Variants in ANKS1A observed in about 807,000 individuals in gnomAD.
ANKS1A encodes the protein ankyrin repeat and sterile alpha motif domain containing 1A.
Under a neutral mutation model 120.3 loss-of-function variants are expected in ANKS1A, and 55 were observed. The observed-to-expected ratio is 0.46, with a 90% CI of 0.37 to 0.57. The LOEUF is 0.57. Among genes scored for constraint, ANKS1A ranks in the 20% least tolerant of loss-of-function variants. The pLI is 0.00. For synonymous variants in ANKS1A, 590 were observed against 604.7 expected (o/e 0.98, Z 0.36); for missense variants, 1,123 against 1,480.3 (o/e 0.76, Z 3.96).
At chr6:34,924,365 C>T (rs952755090) in intron 1 of ANKS1A, among the ~76,000 whole-genome samples, 7 of 152,146 alleles carry the variant, frequency 4.6e-5, no homozygotes, top group Admixed American at 4.6e-4. Context: ...ACATTCTCTA[C>T]TCCAAAAGCC....
chr6:35,090,439 C>T lies in ANKS1A; in HGVS notation c.*1830C>T. 8.5e-7 allele frequency: 1 copy of T among 1,183,430 alleles called. No individual in the cohort carries two copies. The highest frequency in any genetic ancestry group is 1.1e-6 in the Non-Finnish European group (1 of 938,062). The allele number at this position is 1,183,430 out of a possible 1,614,324, so 73.3% of individuals were successfully genotyped here. ...GGTCCGAAAGAAACCGCAGACACTA[C>T]GATGCACTCCTCAAGCTGTCTTTTG... On this transcript the variant is annotated 3_prime_UTR_variant, in exon 24 of 24. Transcript: ENST00000360359.
In ANKS1A at chr6:35,089,328, T is replaced by G. The variant is rs1778172889; in HGVS notation, c.*719T>G. On this transcript the variant is annotated 3_prime_UTR_variant, in exon 24 of 24. Coordinates refer to ENST00000360359, the MANE Select transcript of ANKS1A (RefSeq NM_015245.3). ...GCCAAATGAAGATAAGTGTGCAGTT[T>G]CTAGTGCTGGGAAGTCTTAGCCAGC... The G allele has an allele frequency of 2.0e-6, 2 of 987,126 alleles. No homozygotes were observed. The highest frequency in any genetic ancestry group is 1.7e-5 in the African/African-American group (1 of 57,218). The allele number at this position is 987,126 out of a possible 1,614,324, so 61.1% of individuals were successfully genotyped here. A position where few individuals can be genotyped will look rare whatever the true frequency, so the allele number is the denominator to read the frequency against.
intron 1 of ANKS1A, among the ~76,000 whole-genome samples, chr6:34,902,912 T>C (rs1362149450): frequency 6.6e-6 from 1 of 152,192 alleles, no homozygotes; most frequent in East Asian, 1.9e-4. Flanking sequence ...ACATATGTTC[T>C]TTTGTAAAAT....
chr6:34,928,219 C>G (rs891096071), intron 1 of ANKS1A, among the ~76,000 whole-genome samples: 10 of 152,336 alleles, frequency 6.6e-5, no homozygotes, highest in Admixed American at 3.9e-4. Flanking sequence ...GCATGAACCA[C>G]AGACTTCTGC....
At chr6:34,970,865 C>T (rs1415954646) in intron 3 of ANKS1A, among the ~76,000 whole-genome samples, 2 of 151,862 alleles carry the variant, frequency 1.3e-5, no homozygotes, top group South Asian at 2.1e-4. Context: ...AAAAAAAGGC[C>T]GGATGTGGTG....
At chr6:34,987,595 T>C (rs1431136296) in intron 8 of ANKS1A, among the ~76,000 whole-genome samples, 2 of 152,210 alleles carry the variant, frequency 1.3e-5, no homozygotes, top group Non-Finnish European at 2.9e-5. Flanking sequence ...TTGTTTGGCT[T>C]GAACATACAG....
intron 1 of ANKS1A, among the ~76,000 whole-genome samples, chr6:34,927,904 T>C (rs1768795005): frequency 6.6e-6 from 1 of 152,140 alleles, no homozygotes; most frequent in Non-Finnish European, 1.5e-5. Flanking sequence ...GGAGCCCATT[T>C]TCCAAACTGA....
At chr6:35,070,165 C>A (rs1251949876) in intron 13 of ANKS1A, among the ~76,000 whole-genome samples, 1 of 152,052 alleles carries the variant, frequency 6.6e-6, no homozygotes, top group East Asian at 1.9e-4. Context: ...ACAGGGGCAT[C>A]AATAGTTGTC....
At chr6:34,947,715 C>T (rs1769873980) in intron 1 of ANKS1A, among the ~76,000 whole-genome samples, 1 of 152,126 alleles carries the variant, frequency 6.6e-6, no homozygotes, top group Non-Finnish European at 1.5e-5. Context: ...GCCTTTATGC[C>T]CTCAGGGTCA....
chr6:35,034,363 A>G (rs1045425131), intron 11 of ANKS1A, among the ~76,000 whole-genome samples: 1 of 152,224 alleles, frequency 6.6e-6, no homozygotes, highest in African/African-American at 2.4e-5. Flanking sequence ...GGGATCAGCT[A>G]TCCCACAGTC....
At chr6:34,910,896 A>AGAAT (rs953974531) in intron 1 of ANKS1A, among the ~76,000 whole-genome samples, 12 of 151,936 alleles carry the variant, frequency 7.9e-5, no homozygotes, top group East Asian at 3.8e-4. Context: ...AAAAGAAAAA[A>AGAAT]GAATGAATGA....
intron 11 of ANKS1A, among the ~76,000 whole-genome samples, chr6:35,022,023 G>C (rs1183039261): frequency 3.3e-5 from 5 of 151,936 alleles, no homozygotes; most frequent in Non-Finnish European, 7.4e-5. Context: ...TTTGCAGGAG[G>C]TTCTTTGTTG....
At chr6:34,956,455 A>G (rs989855238) in intron 1 of ANKS1A, among the ~76,000 whole-genome samples, 1 of 152,118 alleles carries the variant, frequency 6.6e-6, no homozygotes, top group South Asian at 2.1e-4. Context: ...GAGACACTAA[A>G]AAGCTGATTG....
At chr6:34,891,431 T>C (rs1766818304) in intron 1 of ANKS1A, among the ~76,000 whole-genome samples, 1 of 152,246 alleles carries the variant, frequency 6.6e-6, no homozygotes, top group Admixed American at 6.5e-5. Flanking sequence ...GAATTGGGTT[T>C]TGAATCTTAC....
chr6:35,029,608 C>T (rs1033680019), intron 11 of ANKS1A, among the ~76,000 whole-genome samples: 3 of 151,672 alleles, frequency 2.0e-5, no homozygotes, highest in Non-Finnish European at 4.4e-5. Flanking sequence ...CCTGGGCCTC[C>T]CAAATTGCTG....
At chr6:35,081,289 C>T (rs1777661819) in intron 17 of ANKS1A, 131 bp downstream of exon 17, 6 of 1,245,288 alleles carry the variant, frequency 4.8e-6, no homozygotes, top group Non-Finnish European at 6.5e-6. Flanking sequence ...GAGGCACTAG[C>T]CTGCTCTGCT....
At chr6:34,905,001 G>A (rs916452974) in intron 1 of ANKS1A, among the ~76,000 whole-genome samples, 1 of 152,154 alleles carries the variant, frequency 6.6e-6, no homozygotes, top group African/African-American at 2.4e-5. Context: ...AATAGACACA[G>A]GGTTTCGCCA....
rs1581761788 is a variant in ANKS1A, at chr6:35,084,958, G to A, written c.3132+700G>A. Among the ~76,000 whole-genome samples, 1 of 152,212 alleles carries A rather than the reference G, an allele frequency of 6.6e-6. No homozygotes were observed. The highest frequency in any genetic ancestry group is 1.5e-5 in the Non-Finnish European group (1 of 68,040). The stretch of plus-strand genomic sequence containing the variant: ...GGCTGCTTCCTCACCCCGGGAGGAA[G>A]TCAGAGGGGTCCAGGTCTCTGCCGC... On this transcript the variant is annotated intron_variant, in intron 21 of 23. Coordinates refer to ENST00000360359, the MANE Select transcript of ANKS1A (RefSeq NM_015245.3). The surrounding 1 kb of genome is among the most constrained non-coding windows in gnomAD (Gnocchi z 4.8).
At chr6:35,059,820 T>TG (rs1776397303) in intron 12 of ANKS1A, among the ~76,000 whole-genome samples, 2 of 152,232 alleles carry the variant, frequency 1.3e-5, no homozygotes, top group South Asian at 4.2e-4. Flanking sequence ...TGGAGACTGT[T>TG]GGGATTTGGC....
Sources: allele counts gnomAD v4.1 joint callset (sites outside exome capture counted in the v4.1 genomes callset), GRCh38; gene constraint gnomAD v4.1.1; non-coding constraint Gnocchi (gnomAD v3.1); transcripts MANE v1.5; gene names NCBI Gene and HGNC (gene_info 2026-07-23, HGNC 2026-07-21).